Variants in CNR2 observed in about 807,000 individuals in gnomAD.
The protein encoded by CNR2 is cannabinoid receptor 2.
For missense variants in CNR2, 379 were observed against 439.9 expected, an observed-to-expected ratio of 0.86 and a Z score of 1.24; for synonymous variants, 172 against 182.2, an observed-to-expected ratio of 0.94 and a Z score of 0.45.
intron 1 of CNR2, among the ~76,000 whole-genome samples, chr1:23,885,621 T>C (rs1308655093): frequency 1.3e-5 from 2 of 152,124 alleles, no homozygotes; most frequent in African/African-American, 4.8e-5. Flanking sequence ...GGCTCACACC[T>C]GTAATCCCAG....
At chr1:23,902,934 C>G (rs1320766675) in intron 1 of CNR2, among the ~76,000 whole-genome samples, 1 of 151,406 alleles carries the variant, frequency 6.6e-6, no homozygotes, top group African/African-American at 2.4e-5. Flanking sequence ...GGCGGGGCGT[C>G]GGGGGCAGCC....
chr1:23,894,765 C>T (rs56339195), intron 1 of CNR2, among the ~76,000 whole-genome samples: 18 of 148,422 alleles, frequency 1.2e-4, no homozygotes, highest in Admixed American at 8.8e-4. Context: ...AATTTTGTCT[C>T]AAAAAAAAAA....
intron 1 of CNR2, among the ~76,000 whole-genome samples, chr1:23,905,660 C>G (rs1238606380): frequency 2.6e-5 from 4 of 151,996 alleles, no homozygotes; most frequent in African/African-American, 9.6e-5. Flanking sequence ...CTGGAGGGGA[C>G]AAAGGGACAA....
intron 1 of CNR2, among the ~76,000 whole-genome samples, chr1:23,892,537 C>G (rs1471184181): frequency 1.3e-5 from 2 of 152,236 alleles, no homozygotes; most frequent in Admixed American, 1.3e-4. Context: ...TTCAGACCCA[C>G]TTCTGTGCTT....
chr1:23,886,742 T>A (rs996592950), intron 1 of CNR2, among the ~76,000 whole-genome samples: 1 of 152,178 alleles, frequency 6.6e-6, no homozygotes, highest in Non-Finnish European at 1.5e-5. Flanking sequence ...AGTCCAAGAA[T>A]GGGGATATAA....
intron 1 of CNR2, among the ~76,000 whole-genome samples, chr1:23,888,507 T>C (rs1384111141): frequency 6.6e-6 from 1 of 152,126 alleles, no homozygotes; most frequent in Non-Finnish European, 1.5e-5. Context: ...TGTCTGTGCA[T>C]GTTTTGGTTG....
At chr1:23,888,208 T>A (rs1268591799) in intron 1 of CNR2, among the ~76,000 whole-genome samples, 1 of 152,188 alleles carries the variant, frequency 6.6e-6, no homozygotes, top group Non-Finnish European at 1.5e-5. Context: ...CTCCGTTCGG[T>A]CTCTCTGGTT....
intron 1 of CNR2, among the ~76,000 whole-genome samples, chr1:23,883,478 A>G (rs1279481856): frequency 6.6e-6 from 1 of 152,250 alleles, no homozygotes; most frequent in Non-Finnish European, 1.5e-5. Flanking sequence ...TAATACAGCC[A>G]TACGAAGGAA....
chr1:23,876,603 A>T (rs1639879515), intron 1 of CNR2, among the ~76,000 whole-genome samples: 1 of 151,908 alleles, frequency 6.6e-6, no homozygotes, highest in African/African-American at 2.4e-5. Flanking sequence ...GGGGAGGCTA[A>T]GGAAGGCGGA....
Position 23,874,428 on chromosome 1 carries a change from G to A in CNR2, c.*107C>T, listed in dbSNP as rs1348159419. On this transcript the variant is annotated 3_prime_UTR_variant, in exon 2 of 2. Coordinates refer to ENST00000374472, the MANE Select transcript of CNR2 (RefSeq NM_001841.3). ...TCAGCAAAAAGGGGTCCGTGTCTAG[G>A]TGTCTGGGACTGGTTTAAGTAAGAA... is the stretch of plus-strand genomic sequence containing the variant. 2 of 1,259,658 alleles carry A rather than the reference G, an allele frequency of 1.6e-6. No individual in the cohort carries two copies. The highest frequency in any genetic ancestry group is 1.5e-5 in the African/African-American group (1 of 66,062). 78.0% of individuals were successfully genotyped at this position (1,259,658 alleles called of 1,614,324 possible).
intron 1 of CNR2, chr1:23,901,895 G>A (rs1640406065): frequency 1.2e-6 from 2 of 1,607,198 alleles, no homozygotes; most frequent in African/African-American, 1.3e-5. Context: ...GCTGCGGTAG[G>A]CAGAAGACTG....
intron 1 of CNR2, among the ~76,000 whole-genome samples, chr1:23,896,068 C>T (rs1376249783): frequency 6.6e-6 from 1 of 152,022 alleles, no homozygotes; most frequent in Non-Finnish European, 1.5e-5. Context: ...CTCACTATAT[C>T]ACCCAGGCTT....
intron 1 of CNR2, chr1:23,901,893 A>G (rs1640406037): frequency 1.9e-6 from 3 of 1,607,680 alleles, no homozygotes; most frequent in African/African-American, 1.3e-5. Flanking sequence ...TTGCTGCGGT[A>G]GGCAGAAGAC....
chr1:23,906,519 G>T (rs374907719), intron 1 of CNR2, among the ~76,000 whole-genome samples: 18 of 118,854 alleles, frequency 1.5e-4, no homozygotes, highest in African/African-American at 5.4e-4. Context: ...TTTTTTTTTT[G>T]TTTTCCTATC....
intron 1 of CNR2, among the ~76,000 whole-genome samples, chr1:23,890,873 T>G (rs12747864): frequency 5.8e-5 from 2 of 34,692 alleles, no homozygotes; most frequent in Non-Finnish European, 1.2e-4. Context: ...CCCTCTGGTC[T>G]TCTTCTTCTT....
chr1:23,881,765 C>T (rs1359533503), intron 1 of CNR2, among the ~76,000 whole-genome samples: 2 of 151,386 alleles, frequency 1.3e-5, no homozygotes, highest in African/African-American at 4.9e-5. Flanking sequence ...TGGTGCCTGC[C>T]TGTGATTCCA....
intron 1 of CNR2, among the ~76,000 whole-genome samples, chr1:23,877,063 A>G (rs898692894): frequency 5.9e-5 from 9 of 152,218 alleles, no homozygotes; most frequent in Admixed American, 3.9e-4. Context: ...TGCAAAATGC[A>G]TAAGGAAACA....
chr1:23,886,056 C>T (rs1013883690), intron 1 of CNR2, among the ~76,000 whole-genome samples: 5 of 150,738 alleles, frequency 3.3e-5, no homozygotes, highest in East Asian at 1.9e-4. Flanking sequence ...GGTGTGGTGG[C>T]GCACACCTGT....
intron 1 of CNR2, among the ~76,000 whole-genome samples, chr1:23,904,177 TG>T (rs111528162): frequency 2.0e-5 from 3 of 150,658 alleles, no homozygotes; most frequent in South Asian, 2.1e-4. Flanking sequence ...TTCGTTTCAT[TG>T]TTTTTTTTTT....
Sources: allele counts gnomAD v4.1 joint callset (sites outside exome capture counted in the v4.1 genomes callset), GRCh38; gene constraint gnomAD v4.1.1; transcripts MANE v1.5; gene names NCBI Gene and HGNC (gene_info 2026-07-23, HGNC 2026-07-21).